The following SLC35E1 variants were observed in gnomAD, a reference collection of about 807,000 sequenced individuals.
SLC35E1 encodes the protein solute carrier family 35, member E1.
Under a neutral mutation model 31.0 loss-of-function variants are expected in SLC35E1, and 12 were observed. That is an observed-to-expected ratio of 0.39 (90% CI 0.25 to 0.63). The LOEUF (loss-of-function observed/expected upper bound fraction) is 0.63, where lower values mean the gene tolerates loss of function less well. Among genes scored for constraint, SLC35E1 ranks in the 20% least tolerant of loss-of-function variants. SLC35E1 has a pLI of 0.52. For synonymous variants in SLC35E1, 257 were observed against 264.1 expected, an observed-to-expected ratio of 0.97 and a Z score of 0.26; for missense variants, 429 against 572.2, an observed-to-expected ratio of 0.75 and a Z score of 2.55.
Position 16,550,014 on chromosome 19 carries a change from A to T in SLC35E1, c.*3665T>A, listed in dbSNP as rs944387729. 6 of 152,182 alleles carry T rather than the reference A, an allele frequency of 3.9e-5. No homozygotes were observed. The highest frequency in any genetic ancestry group is 8.8e-5 in the Non-Finnish European group (6 of 68,038). The allele number at this position is 152,182 out of a possible 1,614,324, so 9.4% of individuals were successfully genotyped here. ...GTGTCCTTCAGGCTGTGAGACCCTA[A>T]GGTATTGGGGTCTGGTAATGTCCCA... On this transcript the variant is annotated 3_prime_UTR_variant, in exon 6 of 6. Coordinates refer to ENST00000595753, the MANE Select transcript of SLC35E1 (RefSeq NM_024881.5).
intron 4 of SLC35E1, among the ~76,000 whole-genome samples, chr19:16,559,185 A>G (rs2085891641): frequency 6.6e-6 from 1 of 151,954 alleles, no homozygotes; most frequent in African/African-American, 2.4e-5. Context: ...GCATGGTGGC[A>G]GGCGCCTGTA....
At chr19:16,568,315 C>T (rs951477871) in intron 2 of SLC35E1, 146 bp from the exon 3 acceptor site, 116 of 1,151,134 alleles carry the variant, frequency 1.0e-4, no homozygotes, top group Non-Finnish European at 1.1e-4. Flanking sequence ...GTGCCAGTGA[C>T]GCTCTGGTGG....
At chr19:16,562,520 T>C (rs1320166996) in intron 4 of SLC35E1, among the ~76,000 whole-genome samples, 1 of 152,238 alleles carries the variant, frequency 6.6e-6, no homozygotes, top group Admixed American at 6.5e-5. Flanking sequence ...TCCCATATAC[T>C]TGAAATCATC....
At position 16,572,268 on chromosome 19, in the gene SLC35E1, G is replaced by A; in HGVS notation, c.97C>T (p.Leu33=). 2 of 1,502,092 alleles carry A rather than the reference G, an allele frequency of 1.3e-6. No individual in the cohort carries two copies. The highest frequency in any genetic ancestry group is 1.8e-6 in the Non-Finnish European group (2 of 1,124,474). The allele number at this position is 1,502,092 out of a possible 1,614,324, so 93.0% of individuals were successfully genotyped here. Residue 33 remains leucine, a synonymous_variant, in exon 1 of 6, where the codon CTG becomes TTG. Transcript: ENST00000595753. The surrounding 1 kb of genome is among the most constrained non-coding windows in gnomAD (Gnocchi z 4.1). ...GAREGARVAA[L]CLLWYALSAG... ...CTCAGCGCGTACCACAGCAGGCACA[G>A]CGCCGCCACCCGCGCGCCCTCGCGC...
chr19:16,569,333 CTCTG>C (rs2085946697), intron 2 of SLC35E1, among the ~76,000 whole-genome samples: 1 of 152,160 alleles, frequency 6.6e-6, no homozygotes, highest in African/African-American at 2.4e-5. Flanking sequence ...TCTCCACCCA[CTCTG>C]TCTGTTACAT....
chr19:16,559,216 T>A (rs1241435874), intron 4 of SLC35E1, among the ~76,000 whole-genome samples: 1 of 151,890 alleles, frequency 6.6e-6, no homozygotes, highest in Admixed American at 6.6e-5. Flanking sequence ...CTCGGGAGGC[T>A]GAGGTAGGAG....
In SLC35E1 at chr19:16,567,926, T is replaced by C; in HGVS notation, c.630+106A>G. 4 of 1,410,656 alleles carry C rather than the reference T, an allele frequency of 2.8e-6. No individual in the cohort carries two copies. In the South Asian group the frequency reaches 5.9e-5, roughly 21 times the overall value. The allele number at this position is 1,410,656 out of a possible 1,614,324, so 87.4% of individuals were successfully genotyped here. Reference sequence around the variant, plus strand: ...AGAATGGCAATCAAGATTTTTCTGCTCTAATAGCAAAGAAATTTCTACTCC... The same window carrying C: ...AGAATGGCAATCAAGATTTTTCTGCCCTAATAGCAAAGAAATTTCTACTCC... On this transcript the variant is annotated intron_variant, in intron 3 of 5. Coordinates refer to ENST00000595753, the MANE Select transcript of SLC35E1 (RefSeq NM_024881.5).
chr19:16,569,717 G>A (rs755534347), intron 2 of SLC35E1, among the ~76,000 whole-genome samples: 2 of 152,180 alleles, frequency 1.3e-5, no homozygotes, highest in East Asian at 1.9e-4. Context: ...GTGATGGAAC[G>A]CGCCTGCAAT....
rs542109613 is a variant in SLC35E1, at chr19:16,568,056, C to T, written c.606G>A (p.Ser202=). The T allele has an allele frequency of 2.9e-5, 46 of 1,612,268 alleles. No homozygotes were observed. The highest frequency in any genetic ancestry group is 8.0e-5 in the African/African-American group (6 of 74,926). The change falls in exon 3 of 6, where the codon TCG becomes TCA. Residue 202 remains serine, a synonymous_variant. Transcript: ENST00000595753. ...CCTTTTTGGAGAAAATGTTCTGAAG[C>T]GAGAAGCACAGCGTGGCGGCGAGGG... ...VSALAATLCF[S]LQNIFSKKVL... is the part of the protein sequence containing the mutation.
rs2085853012 is a variant in SLC35E1, at chr19:16,552,924, T to C, written c.*755A>G. The C allele has an allele frequency of 6.6e-6, 1 of 152,214 alleles. No homozygotes were observed. The highest frequency in any genetic ancestry group is 2.4e-5 in the African/African-American group (1 of 41,450). 9.4% of individuals were successfully genotyped at this position (152,214 alleles called of 1,614,324 possible). On this transcript the variant is annotated 3_prime_UTR_variant, in exon 6 of 6. Coordinates refer to ENST00000595753, the MANE Select transcript of SLC35E1 (RefSeq NM_024881.5). ...TCTCACCACCCCAAGAGAAGCGCCC[T>C]GCTCTGGTGAGGGAAGAGGAGGCAA...
rs754006311 is a variant in SLC35E1 at position 16,551,752 on chromosome 19, CTTTTTTTTTTT to C, written c.*1916_*1926del. The C allele has an allele frequency of 7.8e-6, 1 of 128,240 alleles. No homozygotes were observed. The highest frequency in any genetic ancestry group is 7.9e-5 in the Admixed American group (1 of 12,732). The allele number at this position is 128,240 out of a possible 1,614,324, so 7.9% of individuals were successfully genotyped here. ...TTTCTGCCAAGACCCAAACTGATTC[CTTTTTTTTTTT>C]TTTTTTTTTGAGACAGAGTCTCACT... On this transcript the variant is annotated 3_prime_UTR_variant, in exon 6 of 6. Transcript: ENST00000595753.
At chr19:16,559,463 TACACAC>T (rs61643316) in intron 4 of SLC35E1, among the ~76,000 whole-genome samples, 16,853 of 141,974 alleles carry the variant, frequency 0.12, 996 homozygotes, top group South Asian at 0.14. Context: ...CTACAAAAAA[TACACAC>T]ACACACACAC....
chr19:16,572,397 CG>C lies in SLC35E1; in HGVS notation c.-34del, dbSNP rs967537015. 2.0e-6 allele frequency: 2 copies of C among 989,542 alleles called. No homozygotes were observed. Among genetic ancestry groups the C allele is most frequent in the African/African-American group, 3.5e-5 (2 of 56,958 alleles). 61.3% of individuals were successfully genotyped at this position (989,542 alleles called of 1,614,324 possible). On this transcript the variant is annotated 5_prime_UTR_variant, in exon 1 of 6. Coordinates refer to ENST00000595753, the MANE Select transcript of SLC35E1 (RefSeq NM_024881.5). This position sits in a 1 kb window ranked among gnomAD's most constrained non-coding sequence, Gnocchi z 4.1. The stretch of plus-strand genomic sequence containing the variant: ...GAGCGGCCGCCCCTTCCAGCCCGTC[CG>C]ACGGCCCGACGCCGGGCGGGGGCGG...
At chr19:16,570,867 C>T (rs939020204) in intron 2 of SLC35E1, among the ~76,000 whole-genome samples, 1 of 152,084 alleles carries the variant, frequency 6.6e-6, no homozygotes, top group Non-Finnish European at 1.5e-5. Flanking sequence ...GAGGCTGAGG[C>T]GGACGGATCA....
In SLC35E1 at chr19:16,553,614, G is replaced by A; in HGVS notation, c.*65C>T. ...GTTGTACATTCACTGATTGTCAGAA[G>A]TTTCTGATACTGCTGTGGGGGCCGG... is the stretch of plus-strand genomic sequence containing the variant. On this transcript the variant is annotated 3_prime_UTR_variant, in exon 6 of 6. Transcript: ENST00000595753. 9 of 1,357,136 alleles carry A rather than the reference G, an allele frequency of 6.6e-6. No individual in the cohort carries two copies. Among genetic ancestry groups the A allele is most frequent in the Non-Finnish European group, 8.9e-6 (9 of 1,015,622 alleles). 84.1% of individuals were successfully genotyped at this position (1,357,136 alleles called of 1,614,324 possible).
intron 4 of SLC35E1, chr19:16,565,378 T>C: frequency 3.2e-6 from 1 of 313,716 alleles, no homozygotes; most frequent in Non-Finnish European, 6.3e-6. Flanking sequence ...GCCTGGCTAA[T>C]TTTGTATTTT....
chr19:16,554,558 T>C (rs1478802934), intron 5 of SLC35E1, among the ~76,000 whole-genome samples: 1 of 151,990 alleles, frequency 6.6e-6, no homozygotes, highest in Non-Finnish European at 1.5e-5. Context: ...TGGTGGCTCA[T>C]GCCTGTAATC....
intron 4 of SLC35E1, chr19:16,566,312 G>A: frequency 3.6e-6 from 2 of 562,782 alleles, no homozygotes; most frequent in Non-Finnish European, 6.1e-6. Flanking sequence ...ATCAGCACCT[G>A]GGATCAAGCA....
chr19:16,569,708 T>C (rs2085948368), intron 2 of SLC35E1, among the ~76,000 whole-genome samples: 1 of 151,756 alleles, frequency 6.6e-6, no homozygotes, highest in Non-Finnish European at 1.5e-5. Flanking sequence ...TAGCCAGGAG[T>C]GATGGAACGC....
Sources: gnomAD v4.1 joint callset for allele counts (sites outside exome capture counted in the v4.1 genomes callset) on GRCh38, gnomAD v4.1.1 for gene constraint, Gnocchi (gnomAD v3.1) non-coding constraint, MANE v1.5 for transcripts, NCBI Gene and HGNC (gene_info 2026-07-23, HGNC 2026-07-21) for gene names.